GALNT17: variants seen among roughly 807,000 people sequenced by gnomAD.
The protein encoded by GALNT17 is UDP-GalNAc:polypeptide N-acetylgalactosaminyltransferase-like 3.
In GALNT17, 29 loss-of-function variants were observed where a neutral mutation model predicts 63.7. That is an observed-to-expected ratio of 0.46 (90% CI 0.34 to 0.62). GALNT17 has a LOEUF of 0.62. GALNT17 is among the 20% of genes least tolerant of loss of function. GALNT17 has a pLI of 0.01. For synonymous variants in GALNT17, 305 were observed against 318.3 expected, an observed-to-expected ratio of 0.96 and a Z score of 0.45; for missense variants, 603 against 799.6, an observed-to-expected ratio of 0.75 and a Z score of 2.97.
At chr7:71,595,347 T>C (rs1789869589) in intron 6 of GALNT17, among the ~76,000 whole-genome samples, 1 of 151,920 alleles carries the variant, frequency 6.6e-6, no homozygotes, top group Non-Finnish European at 1.5e-5. Context: ...GAAGGATCAC[T>C]TGAAGCCAGG....
chr7:71,519,620 C>T (rs527372436), intron 5 of GALNT17, among the ~76,000 whole-genome samples: 32 of 152,218 alleles, frequency 2.1e-4, no homozygotes, highest in African/African-American at 6.0e-4. Context: ...TGCACCACCA[C>T]GCCCAGGTAA....
At chr7:71,232,622 C>G (rs1403073252) in intron 1 of GALNT17, among the ~76,000 whole-genome samples, 2 of 152,128 alleles carry the variant, frequency 1.3e-5, no homozygotes, top group African/African-American at 4.8e-5. Context: ...TAGAAGAAAC[C>G]AGCTTTATGG....
At chr7:71,605,232 T>C (rs540022298) in intron 6 of GALNT17, among the ~76,000 whole-genome samples, 11 of 152,158 alleles carry the variant, frequency 7.2e-5, no homozygotes, top group Admixed American at 6.6e-4. Flanking sequence ...CTTTTGCTCA[T>C]GTATTCAATA....
chr7:71,348,984 A>G (rs976920839), intron 2 of GALNT17, among the ~76,000 whole-genome samples: 3 of 152,244 alleles, frequency 2.0e-5, no homozygotes, highest in Non-Finnish European at 2.9e-5. Flanking sequence ...AGGAAACCCA[A>G]GCTGGTTTAT....
chr7:71,353,950 T>G (rs1433388909), intron 2 of GALNT17, among the ~76,000 whole-genome samples: 2 of 152,026 alleles, frequency 1.3e-5, no homozygotes, highest in African/African-American at 4.8e-5. Flanking sequence ...CTCAGGAAAC[T>G]TACAATTGTG....
At chr7:71,180,134 C>CT (rs151023297) in intron 1 of GALNT17, among the ~76,000 whole-genome samples, 2 of 151,176 alleles carry the variant, frequency 1.3e-5, no homozygotes, top group African/African-American at 4.9e-5. Flanking sequence ...TTTTTTCTTA[C>CT]TTTTTTTTTG....
intron 3 of GALNT17, among the ~76,000 whole-genome samples, chr7:71,394,588 A>C (rs1400812430): frequency 1.3e-5 from 2 of 152,146 alleles, no homozygotes; most frequent in Non-Finnish European, 2.9e-5. Context: ...TCTGTCTCCC[A>C]GATGGTCATC....
chr7:71,245,755 G>A (rs1278055960), intron 1 of GALNT17, among the ~76,000 whole-genome samples: 2 of 151,928 alleles, frequency 1.3e-5, no homozygotes, highest in African/African-American at 4.8e-5. Flanking sequence ...TTCTTTTAAA[G>A]AGGAGCACAG....
chr7:71,547,156 C>CTTATTA (rs566358604), intron 5 of GALNT17, among the ~76,000 whole-genome samples: 11 of 149,022 alleles, frequency 7.4e-5, no homozygotes, highest in East Asian at 5.9e-4. Context: ...CACACCCAGT[C>CTTATTA]TTATTATTAT....
At chr7:71,160,037 G>A (rs1290225504) in intron 1 of GALNT17, among the ~76,000 whole-genome samples, 2 of 152,034 alleles carry the variant, frequency 1.3e-5, no homozygotes, top group African/African-American at 4.8e-5. Flanking sequence ...TGCCCACCTT[G>A]GCCTCCCAAA....
intron 1 of GALNT17, among the ~76,000 whole-genome samples, chr7:71,290,072 G>A (rs1025900076): frequency 6.6e-6 from 1 of 151,986 alleles, no homozygotes; most frequent in Non-Finnish European, 1.5e-5. Context: ...AATCCATCAG[G>A]TTCATCATTT....
At chr7:71,265,118 A>ATATAGTTTTTT (rs1390488895) in intron 1 of GALNT17, among the ~76,000 whole-genome samples, 1 of 37,460 alleles carries the variant, frequency 2.7e-5, no homozygotes, top group Admixed American at 2.9e-4. Context: ...ATATATATAT[A>ATATAGTTTTTT]TTTTTTTTTT....
At chr7:71,542,235 T>G (rs1788904047) in intron 5 of GALNT17, among the ~76,000 whole-genome samples, 2 of 152,156 alleles carry the variant, frequency 1.3e-5, no homozygotes, top group African/African-American at 4.8e-5. Flanking sequence ...AACACTGTCA[T>G]GCTCTATAAT....
chr7:71,412,573 A>G (rs1793449981), intron 3 of GALNT17, among the ~76,000 whole-genome samples: 2 of 152,022 alleles, frequency 1.3e-5, no homozygotes, highest in Non-Finnish European at 1.5e-5. Context: ...GGGTTTCTCC[A>G]TGTTAGGACA....
intron 5 of GALNT17, among the ~76,000 whole-genome samples, chr7:71,567,679 G>T (rs1341402856): frequency 1.3e-5 from 2 of 152,158 alleles, no homozygotes; most frequent in African/African-American, 4.8e-5. Flanking sequence ...TGGTCAGGCT[G>T]GTCTCAAACT....
At chr7:71,371,006 T>G (rs943341077) in intron 2 of GALNT17, among the ~76,000 whole-genome samples, 2 of 152,206 alleles carry the variant, frequency 1.3e-5, no homozygotes, top group Non-Finnish European at 2.9e-5. Context: ...TTTTCAAGAA[T>G]GAATAATGTG....
intron 5 of GALNT17, among the ~76,000 whole-genome samples, chr7:71,481,597 G>A (rs1306294784): frequency 6.6e-6 from 1 of 152,134 alleles, no homozygotes; most frequent in Non-Finnish European, 1.5e-5. Flanking sequence ...TGTGGAAGGT[G>A]CAGGGGGAAA....
chr7:71,656,446 G>A (rs1368223948), intron 6 of GALNT17, among the ~76,000 whole-genome samples: 1 of 152,112 alleles, frequency 6.6e-6, no homozygotes, highest in African/African-American at 2.4e-5. Context: ...GAGCTGCAGA[G>A]ATGAGGCTGC....
intron 2 of GALNT17, among the ~76,000 whole-genome samples, chr7:71,370,572 C>T (rs1411536436): frequency 1.3e-5 from 2 of 150,832 alleles, no homozygotes; most frequent in Admixed American, 1.3e-4. Context: ...GCAACCTCTG[C>T]CTCTCAGGTT....
Sources: allele counts gnomAD v4.1 joint callset (sites outside exome capture counted in the v4.1 genomes callset), GRCh38; gene constraint gnomAD v4.1.1; transcripts MANE v1.5; gene names NCBI Gene and HGNC (gene_info 2026-07-23, HGNC 2026-07-21).